Variants in CERS6 observed in about 807,000 individuals in gnomAD.
The protein encoded by CERS6 is LAG1 homolog, ceramide synthase 6.
Under a neutral mutation model 56.8 loss-of-function variants are expected in CERS6, and 26 were observed. The observed-to-expected ratio is 0.46, with a 90% CI of 0.34 to 0.63. The LOEUF (loss-of-function observed/expected upper bound fraction) is 0.63. Among genes scored for constraint, CERS6 ranks in the 30% least tolerant of loss-of-function variants. CERS6 has a pLI of 0.01. For synonymous variants in CERS6, 164 were observed against 173.3 expected (o/e 0.95, Z 0.42); for missense variants, 415 against 467.5 (o/e 0.89, Z 1.04).
chr2:168,749,200 CTT>C (rs1684190244), intron 8 of CERS6, among the ~76,000 whole-genome samples: 1 of 152,206 alleles, frequency 6.6e-6, no homozygotes, highest in Admixed American at 6.5e-5. Flanking sequence ...CAGCTCCAAA[CTT>C]GCCAACAAAC....
At chr2:168,609,474 CATA>C (rs1684132323) in intron 3 of CERS6, among the ~76,000 whole-genome samples, 3 of 152,236 alleles carry the variant, frequency 2.0e-5, no homozygotes, top group Admixed American at 2.0e-4. Context: ...ATAAATGTTT[CATA>C]ATGTCAAGAA....
At chr2:168,706,789 A>T (rs984859660) in intron 6 of CERS6, among the ~76,000 whole-genome samples, 2 of 152,198 alleles carry the variant, frequency 1.3e-5, no homozygotes, top group African/African-American at 4.8e-5. Context: ...GACTTTTCCA[A>T]TATGATGCTT....
chr2:168,700,998 T>A (rs1686791414), intron 6 of CERS6, among the ~76,000 whole-genome samples: 1 of 152,124 alleles, frequency 6.6e-6, no homozygotes, highest in Non-Finnish European at 1.5e-5. Flanking sequence ...TGAACAATAT[T>A]GATTTGAGCC....
At chr2:168,540,557 G>A (rs1446741217) in intron 1 of CERS6, among the ~76,000 whole-genome samples, 1 of 152,184 alleles carries the variant, frequency 6.6e-6, no homozygotes, top group Non-Finnish European at 1.5e-5. Context: ...TAGGCGTGTA[G>A]TAGGCCATAC....
At chr2:168,751,600 A>T (rs1267989276) in intron 8 of CERS6, among the ~76,000 whole-genome samples, 1 of 152,140 alleles carries the variant, frequency 6.6e-6, no homozygotes, top group Non-Finnish European at 1.5e-5. Flanking sequence ...AGATAACTGC[A>T]GTGGCCTCTA....
chr2:168,623,150 T>G (rs1684512399), intron 3 of CERS6, among the ~76,000 whole-genome samples: 1 of 152,182 alleles, frequency 6.6e-6, no homozygotes, highest in South Asian at 2.1e-4. Flanking sequence ...TGTTTACAGA[T>G]GAAACCAATC....
intron 8 of CERS6, among the ~76,000 whole-genome samples, chr2:168,746,710 C>CCCTCT (rs1266087611): frequency 6.8e-6 from 1 of 146,668 alleles, no homozygotes; most frequent in Non-Finnish European, 1.5e-5. Flanking sequence ...AAGCAGCTTC[C>CCCTCT]CCTCTTCTGC....
At chr2:168,528,113 C>G (rs1166270227) in intron 1 of CERS6, among the ~76,000 whole-genome samples, 1 of 152,188 alleles carries the variant, frequency 6.6e-6, no homozygotes, top group Non-Finnish European at 1.5e-5. Flanking sequence ...CCTTCCAACA[C>G]TGTTCCATTG....
chr2:168,545,473 A>G (rs750732454), intron 1 of CERS6, among the ~76,000 whole-genome samples: 1 of 152,076 alleles, frequency 6.6e-6, no homozygotes, highest in Non-Finnish European at 1.5e-5. Flanking sequence ...AGATGTATAC[A>G]TTATGTTGTA....
intron 4 of CERS6, among the ~76,000 whole-genome samples, chr2:168,657,932 G>C (rs1685532543): frequency 6.6e-6 from 1 of 152,242 alleles, no homozygotes; most frequent in Non-Finnish European, 1.5e-5. Flanking sequence ...CCACCGAAGT[G>C]GGAGCCCAGG....
chr2:168,496,472 A>G (rs1052376931), intron 1 of CERS6, among the ~76,000 whole-genome samples: 1 of 152,144 alleles, frequency 6.6e-6, no homozygotes, highest in African/African-American at 2.4e-5. Context: ...ATAGGAAGCC[A>G]TCAGGCTCCA....
chr2:168,550,814 G>T (rs1186597790), intron 2 of CERS6, among the ~76,000 whole-genome samples: 1 of 152,198 alleles, frequency 6.6e-6, no homozygotes, highest in East Asian at 1.9e-4. Context: ...ATGCACTGGG[G>T]TAGCTGCCTC....
chr2:168,457,154 C>G (rs1439321829), intron 1 of CERS6, among the ~76,000 whole-genome samples: 1 of 152,256 alleles, frequency 6.6e-6, no homozygotes, highest in Admixed American at 6.5e-5. Context: ...CCAGGGACTT[C>G]CTGGCTTCTG....
chr2:168,520,077 A>G (rs1470128280), intron 1 of CERS6, among the ~76,000 whole-genome samples: 1 of 152,088 alleles, frequency 6.6e-6, no homozygotes, highest in East Asian at 1.9e-4. Context: ...TTGCTCTGCA[A>G]CCTCACCAAC....
chr2:168,541,174 T>C (rs1333048327), intron 1 of CERS6, among the ~76,000 whole-genome samples: 4 of 152,084 alleles, frequency 2.6e-5, no homozygotes, highest in Non-Finnish European at 5.9e-5. Context: ...CACCCACCCC[T>C]GAGGGACAGC....
rs1028380433 is a variant in CERS6, at chr2:168,544,932, A to T, written c.171-2664A>T. On this transcript the variant is annotated intron_variant, in intron 1 of 9. Transcript: ENST00000305747. ...CTTGGTATAATACTTTCACAACTTG[A>T]ATACACATGGCTTGTTTCAGTGTAG... is the stretch of plus-strand genomic sequence containing the variant. Among the ~76,000 whole-genome samples, 12 of 151,848 alleles carry T rather than the reference A, an allele frequency of 7.9e-5. No homozygotes were observed. The East Asian group carries it at 2.3e-3, about 30-fold the overall frequency.
intron 4 of CERS6, among the ~76,000 whole-genome samples, chr2:168,671,859 T>C (rs1044218698): frequency 3.3e-5 from 5 of 152,210 alleles, no homozygotes; most frequent in Admixed American, 3.3e-4. Context: ...CTAGGCTATT[T>C]CTATACAGTC....
intron 3 of CERS6, among the ~76,000 whole-genome samples, chr2:168,576,003 C>T (rs929117853): frequency 1.3e-5 from 2 of 152,034 alleles, no homozygotes; most frequent in Admixed American, 6.6e-5. Context: ...GAGCACAGAG[C>T]GTTTATTTGT....
chr2:168,570,177 A>T (rs1695958693), intron 3 of CERS6, among the ~76,000 whole-genome samples: 1 of 152,088 alleles, frequency 6.6e-6, no homozygotes, highest in African/African-American at 2.4e-5. Flanking sequence ...ATTCTGTGGA[A>T]CCCTAAGGAG....
Sources: allele counts gnomAD v4.1 joint callset (sites outside exome capture counted in the v4.1 genomes callset), GRCh38; gene constraint gnomAD v4.1.1; transcripts MANE v1.5; gene names NCBI Gene and HGNC (gene_info 2026-07-23, HGNC 2026-07-21).